PTRH1: variants seen among roughly 807,000 people sequenced by gnomAD.
The protein encoded by PTRH1 is peptidyl-tRNA hydrolase.
Under a neutral mutation model 15.7 loss-of-function variants are expected in PTRH1, and 13 were observed. The observed-to-expected ratio is 0.83, with a 90% CI of 0.54 to 1.31. The LOEUF (loss-of-function observed/expected upper bound fraction) is 1.31, where lower values mean the gene tolerates loss of function less well. PTRH1 is among the 40% of genes most tolerant of loss of function. The pLI is 0.00. For missense variants in PTRH1, 319 were observed against 296.2 expected, an observed-to-expected ratio of 1.08 and a Z score of -0.56; for synonymous variants, 139 against 136.7, an observed-to-expected ratio of 1.02 and a Z score of -0.12.
chr9:127,715,649 A>AG lies in PTRH1; in HGVS notation c.-11_-10insC. On this transcript the variant is annotated 5_prime_UTR_variant, in exon 1 of 5. It removes an upstream start codon present in the reference 5' UTR. Transcript: ENST00000543175. This position sits in a 1 kb window ranked among gnomAD's most constrained non-coding sequence, Gnocchi z 5.8. ...AGCCGCCCGGCCTCATGCTGCCCCC[A>AG]TTCACTCCGACACCGCCCCCTGACG... is the stretch of plus-strand genomic sequence containing the variant. 2 of 1,609,986 alleles carry AG rather than the reference A, an allele frequency of 1.2e-6. No individual in the cohort carries two copies. Among genetic ancestry groups the AG allele is most frequent in the Non-Finnish European group, 1.7e-6 (2 of 1,179,380 alleles).
downstream of PTRH1, chr9:127,711,575 CA>C (rs1383519205): frequency 3.3e-6 from 5 of 1,527,604 alleles, no homozygotes; most frequent in African/African-American, 6.9e-5. Context: ...GGGGTAGAGT[CA>C]GGGGCAGTCA....
chr9:127,703,499 G>C (rs926282349), intron 1 of PTRH1, among the ~76,000 whole-genome samples: 2 of 152,078 alleles, frequency 1.3e-5, no homozygotes, highest in African/African-American at 4.8e-5. Flanking sequence ...GAGAGAAAGA[G>C]AAAGAGTCAA....
At chr9:127,709,769 A>C (rs963548467), downstream of PTRH1, 41 of 1,477,612 alleles carry the variant, frequency 2.8e-5, no homozygotes, top group Non-Finnish European at 3.6e-5. The surrounding 1 kb of genome is among the most constrained non-coding windows in gnomAD (Gnocchi z 4.7). Flanking sequence ...TCACCTGGGA[A>C]ACAGGGATAA....
rs769831735 is a variant in PTRH1, at chr9:127,715,613, G to A, written c.27C>T (p.Ala9=). MRPGGFLG[A]GQRLSRAMSR... is the part of the protein sequence containing the mutation. Reference sequence around the variant, plus strand: ...TCATGGCTCTACTCAGCCGCTGTCCGGCGCCCAAAAAGCCGCCCGGCCTCA... The same window carrying A: ...TCATGGCTCTACTCAGCCGCTGTCCAGCGCCCAAAAAGCCGCCCGGCCTCA... Residue 9 remains alanine (A), a synonymous_variant, in exon 1 of 5, where the codon GCC becomes GCT. Coordinates refer to ENST00000543175, the MANE Select transcript of PTRH1 (RefSeq NM_001002913.3). The surrounding 1 kb of genome is among the most constrained non-coding windows in gnomAD (Gnocchi z 5.8). The A allele has an allele frequency of 6.2e-7, 1 of 1,612,764 alleles. No homozygotes were observed. The highest frequency in any genetic ancestry group is 8.5e-7 in the Non-Finnish European group (1 of 1,179,968).
downstream of PTRH1, chr9:127,711,263 G>A (rs374820025): frequency 7.4e-6 from 12 of 1,614,036 alleles, no homozygotes; most frequent in East Asian, 4.5e-5. Context: ...CGTGAACCTC[G>A]TGGCCAATGA....
downstream of PTRH1, chr9:127,710,740 G>T: frequency 6.4e-7 from 1 of 1,566,552 alleles, no homozygotes; most frequent in Non-Finnish European, 8.7e-7. Context: ...AGAAGTCGGT[G>T]CTGGACAAGG....
chr9:127,704,206 C>T (rs1842624885), intron 1 of PTRH1, among the ~76,000 whole-genome samples: 1 of 152,064 alleles, frequency 6.6e-6, no homozygotes, highest in Non-Finnish European at 1.5e-5. Context: ...TGTGAGAGTA[C>T]ATAAAATTTA....
rs1012501518 is a variant in PTRH1 at position 127,705,534 on chromosome 9, A to G, written c.205+9901T>C. The stretch of plus-strand genomic sequence containing the variant: ...CAAGCTGACACCCTCTGTGGGCTCC[A>G]GGCTGCCCGAGGGGCTGTGGGCCCC... On this transcript the variant is annotated intron_variant, in intron 1 of 2. Coordinates refer to the PTRH1 transcript ENST00000335223. The surrounding 1 kb of genome is among the most constrained non-coding windows in gnomAD (Gnocchi z 4.7). Among the ~76,000 whole-genome samples, 1 of 152,236 alleles carries G rather than the reference A, an allele frequency of 6.6e-6. No individual in the cohort carries two copies. The highest frequency in any genetic ancestry group is 1.5e-5 in the Non-Finnish European group (1 of 68,040).
chr9:127,696,268 C>G (rs1210088584), intron 1 of PTRH1, among the ~76,000 whole-genome samples: 1 of 152,258 alleles, frequency 6.6e-6, no homozygotes, highest in East Asian at 1.9e-4. Context: ...CCCAGGAGTT[C>G]GAGGCTGCAG....
chr9:127,694,169 C>T (rs1257262459), intron 2 of PTRH1, among the ~76,000 whole-genome samples: 2 of 151,960 alleles, frequency 1.3e-5, no homozygotes, highest in Non-Finnish European at 2.9e-5. Context: ...TAGGCTCAAG[C>T]GATTGGCCTG....
At chr9:127,701,498 G>C (rs1842603041) in intron 1 of PTRH1, among the ~76,000 whole-genome samples, 1 of 152,216 alleles carries the variant, frequency 6.6e-6, no homozygotes, top group African/African-American at 2.4e-5. Flanking sequence ...ACAGGCTCCA[G>C]CCCAAGGATC....
intron 2 of PTRH1, among the ~76,000 whole-genome samples, chr9:127,694,411 T>C (rs767277260): frequency 6.6e-6 from 1 of 152,162 alleles, no homozygotes; most frequent in African/African-American, 2.4e-5. Flanking sequence ...CTTTCTAGTA[T>C]CTCCCTGGTT....
chr9:127,715,505 G>T lies in PTRH1; in HGVS notation c.96+39C>A. The T allele has an allele frequency of 6.2e-7, 1 of 1,612,730 alleles. No homozygotes were observed. The highest frequency in any genetic ancestry group is 8.5e-7 in the Non-Finnish European group (1 of 1,179,838). On this transcript the variant is annotated intron_variant, in intron 1 of 4. Transcript: ENST00000543175. This position sits in a 1 kb window ranked among gnomAD's most constrained non-coding sequence, Gnocchi z 5.8. ...GACATAATGGCCGAACTGAAGCTAG[G>T]GACCGGGAGCCCCTACGTCGCCGCC...
intron 1 of PTRH1, among the ~76,000 whole-genome samples, chr9:127,700,863 A>G (rs751146207): frequency 5.3e-5 from 8 of 152,248 alleles, no homozygotes; most frequent in Non-Finnish European, 1.2e-4. Flanking sequence ...CAAGAGGCTG[A>G]CTTCAGCAAC....
At chr9:127,714,560 G>A in intron 3 of PTRH1, 43 bp downstream of exon 3, 1 of 1,599,586 alleles carries the variant, frequency 6.3e-7, no homozygotes, top group Non-Finnish European at 8.6e-7. Flanking sequence ...CCAACTGGGA[G>A]GCCTGAAGCC....
At chr9:127,697,762 T>C (rs1180473151) in intron 1 of PTRH1, among the ~76,000 whole-genome samples, 2 of 152,228 alleles carry the variant, frequency 1.3e-5, no homozygotes, top group Admixed American at 6.5e-5. Context: ...TGTCAACACA[T>C]GCGCTCCTTC....
intron 1 of PTRH1, chr9:127,695,683 A>G (rs543160931): frequency 6.6e-6 from 1 of 152,352 alleles, no homozygotes; most frequent in Admixed American, 6.5e-5. Context: ...GCTTTTGCTC[A>G]GTAGAAGCAG....
intron 1 of PTRH1, among the ~76,000 whole-genome samples, chr9:127,698,852 T>G (rs1036512963): frequency 6.6e-6 from 1 of 151,664 alleles, no homozygotes; most frequent in Non-Finnish European, 1.5e-5. Flanking sequence ...AGTTCCTGAA[T>G]TAGCCGCCCC....
downstream of PTRH1, chr9:127,713,289 G>GGCC: frequency 9.4e-7 from 1 of 1,060,588 alleles, no homozygotes; most frequent in South Asian, 1.7e-5. Flanking sequence ...CCACAGCTGT[G>GGCC]TGGCCCTGGG....
Sources: gnomAD v4.1 joint callset for allele counts (sites outside exome capture counted in the v4.1 genomes callset) on GRCh38, gnomAD v4.1.1 for gene constraint, Gnocchi (gnomAD v3.1) non-coding constraint, MANE v1.5 for transcripts, NCBI Gene and HGNC (gene_info 2026-07-23, HGNC 2026-07-21) for gene names.